EFCAB13: variants seen among roughly 807,000 people sequenced by gnomAD.
EFCAB13 encodes EF-hand calcium-binding domain-containing protein 13.
EFCAB13 carries 91 observed loss-of-function variants against 110.2 expected under a neutral mutation model. That is an observed-to-expected ratio of 0.83 (90% CI 0.70 to 0.98). EFCAB13 has a LOEUF of 0.98. EFCAB13 is among the 50% of genes least tolerant of loss of function. The pLI is 0.00. For missense variants in EFCAB13, 968 were observed against 1,119.4 expected (o/e 0.86, Z 1.93); for synonymous variants, 323 against 369.9 (o/e 0.87, Z 1.45).
intron 15 of EFCAB13, among the ~76,000 whole-genome samples, chr17:47,393,584 G>T (rs2065720028): frequency 6.6e-6 from 1 of 151,978 alleles, no homozygotes; most frequent in Admixed American, 6.6e-5. Flanking sequence ...TGGGCATGGT[G>T]ACGTGCCTGT....
chr17:47,397,593 A>G (rs1289601980), intron 17 of EFCAB13, among the ~76,000 whole-genome samples: 1 of 146,192 alleles, frequency 6.8e-6, no homozygotes, highest in Non-Finnish European at 1.5e-5. Context: ...CCGCCATCCT[A>G]TCTAGGAAGT....
chr17:47,398,066 G>T (rs2065754973), intron 17 of EFCAB13, among the ~76,000 whole-genome samples: 1 of 142,686 alleles, frequency 7.0e-6, no homozygotes, highest in Non-Finnish European at 1.5e-5. Context: ...GGGAGGTTGG[G>T]GGGTCAGCCC....
chr17:47,351,300 T>TGTGTGTGTGTGTGTGTGTGTGTGTGC (rs2065449375), intron 9 of EFCAB13, among the ~76,000 whole-genome samples: 1 of 110,592 alleles, frequency 9.0e-6, no homozygotes, highest in South Asian at 3.6e-4. Context: ...TGTGTGTGTG[T>TGTGTGTGTGTGTGTGTGTGTGTGTGC]GTGTGCGCGC....
intron 15 of EFCAB13, 106 bp downstream of exon 15, chr17:47,391,686 A>G: frequency 1.0e-6 from 1 of 993,840 alleles, no homozygotes; most frequent in Non-Finnish European, 1.4e-6. Context: ...ATAAAAAGTT[A>G]AAATTAAACT....
At chr17:47,438,775 G>A (rs901580426) in intron 24 of EFCAB13, among the ~76,000 whole-genome samples, 5 of 151,814 alleles carry the variant, frequency 3.3e-5, no homozygotes, top group Non-Finnish European at 7.4e-5. Flanking sequence ...AACTAACTTC[G>A]TGAACTCTTT....
At chr17:47,396,665 G>A (rs2065739991) in intron 17 of EFCAB13, among the ~76,000 whole-genome samples, 1 of 152,092 alleles carries the variant, frequency 6.6e-6, no homozygotes, top group African/African-American at 2.4e-5. Context: ...TTAGTAACAC[G>A]AGCATGCTGT....
At chr17:47,324,580 A>G (rs938423215) in intron 2 of EFCAB13, 57 bp downstream of exon 2, 3 of 152,084 alleles carry the variant, frequency 2.0e-5, no homozygotes, top group Admixed American at 1.3e-4. Flanking sequence ...GAAAGTTTGA[A>G]CGTTCATGAA....
At chr17:47,382,851 A>C (rs1439534566) in intron 14 of EFCAB13, among the ~76,000 whole-genome samples, 1 of 152,206 alleles carries the variant, frequency 6.6e-6, no homozygotes, top group Non-Finnish European at 1.5e-5. Context: ...TAGTTTCAGA[A>C]GGAATGCTAC....
intron 5 of EFCAB13, among the ~76,000 whole-genome samples, chr17:47,337,345 TA>T (rs956624733): frequency 1.3e-5 from 2 of 152,168 alleles, no homozygotes; most frequent in African/African-American, 4.8e-5. Context: ...CAGAGTAGAA[TA>T]ATAGACATTG....
At chr17:47,340,057 T>C (rs2065375175) in intron 5 of EFCAB13, 2 of 152,168 alleles carry the variant, frequency 1.3e-5, no homozygotes, top group South Asian at 4.1e-4. Flanking sequence ...ATAAGTATAA[T>C]AATTTCAGGG....
At chr17:47,424,922 G>T (rs1403849327) in intron 23 of EFCAB13, among the ~76,000 whole-genome samples, 3 of 76,192 alleles carry the variant, frequency 3.9e-5, no homozygotes, top group Non-Finnish European at 7.6e-5. Context: ...TCGCTCTGTC[G>T]CCCAGGCTGG....
At chr17:47,433,134 T>G (rs1905150726) in intron 24 of EFCAB13, among the ~76,000 whole-genome samples, 1 of 152,160 alleles carries the variant, frequency 6.6e-6, no homozygotes, top group African/African-American at 2.4e-5. Flanking sequence ...TCCTTCTATT[T>G]AGTGAGCATG....
At chr17:47,398,888 AT>A (rs2065763642) in intron 17 of EFCAB13, among the ~76,000 whole-genome samples, 2 of 152,298 alleles carry the variant, frequency 1.3e-5, no homozygotes, top group East Asian at 1.9e-4. Flanking sequence ...CTAGAAAAGT[AT>A]TTTTTATGAT....
At chr17:47,358,991 G>A (rs2065495448) in intron 9 of EFCAB13, among the ~76,000 whole-genome samples, 1 of 152,168 alleles carries the variant, frequency 6.6e-6, no homozygotes, top group South Asian at 2.1e-4. Context: ...TGGAGCAGAG[G>A]GTTTCTGGAG....
chr17:47,422,276 A>G (rs1904748209), intron 23 of EFCAB13, among the ~76,000 whole-genome samples: 1 of 152,192 alleles, frequency 6.6e-6, no homozygotes, highest in African/African-American at 2.4e-5. Flanking sequence ...GAAACCTACA[A>G]CAATCATGTT....
chr17:47,405,602 TA>T (rs2065801056), intron 20 of EFCAB13, among the ~76,000 whole-genome samples: 1 of 152,030 alleles, frequency 6.6e-6, no homozygotes, highest in African/African-American at 2.4e-5. Context: ...TTTTAAATTG[TA>T]TTGAGGTTAA....
intron 11 of EFCAB13, among the ~76,000 whole-genome samples, chr17:47,372,746 A>AAT (rs150697741): frequency 0.016 from 2,437 of 152,296 alleles, 58 homozygotes; most frequent in African/African-American, 0.054. Context: ...CAGTACTCTG[A>AAT]ATATATAGTC....
chr17:47,345,239 G>A (rs80014939), intron 8 of EFCAB13, 141 bp downstream of exon 8: 21,495 of 557,716 alleles, frequency 0.039, 1,237 homozygotes, highest in East Asian at 0.23. Context: ...CAAATGCTGC[G>A]GGCTGTGAGG....
chr17:47,401,983 A>G (rs2065781449), intron 17 of EFCAB13, 149 bp from the exon 18 acceptor site: 4 of 691,776 alleles, frequency 5.8e-6, no homozygotes, highest in Non-Finnish European at 1.0e-5. Context: ...TATTAATCCC[A>G]TAAAATTAAT....
Sources: gnomAD v4.1 joint callset for allele counts (sites outside exome capture counted in the v4.1 genomes callset) on GRCh38, gnomAD v4.1.1 for gene constraint, MANE v1.5 for transcripts, NCBI Gene and HGNC (gene_info 2026-07-23, HGNC 2026-07-21) for gene names.